The following COLEC11 variants were observed in gnomAD, a reference collection of about 807,000 sequenced individuals.
COLEC11 encodes collectin subfamily member 11.
Under a neutral mutation model 27.3 loss-of-function variants are expected in COLEC11, and 20 were observed. The observed-to-expected ratio is 0.73, with a 90% CI of 0.51 to 1.06. COLEC11 has a LOEUF of 1.06. Among genes scored for constraint, COLEC11 ranks in the 50% least tolerant of loss-of-function variants. The pLI is 0.00. For synonymous variants in COLEC11, 163 were observed against 154.7 expected, an observed-to-expected ratio of 1.05 and a Z score of -0.40; for missense variants, 310 against 383.0, an observed-to-expected ratio of 0.81 and a Z score of 1.59.
At chr2:3,595,574 C>T (rs1020824017) in intron 1 of COLEC11, among the ~76,000 whole-genome samples, 1 of 152,198 alleles carries the variant, frequency 6.6e-6, no homozygotes, top group Non-Finnish European at 1.5e-5. Context: ...ACGGGCCAGG[C>T]GGACAGCAGC....
chr2:3,606,393 C>A (rs934165495), intron 2 of COLEC11: 3 of 700,670 alleles, frequency 4.3e-6, no homozygotes, highest in Non-Finnish European at 7.1e-6. Context: ...TGGGTAGGGT[C>A]CCTTCTCAAC....
intron 1 of COLEC11, chr2:3,603,457 G>A (rs895721278): frequency 3.4e-6 from 2 of 589,308 alleles, no homozygotes; most frequent in Admixed American, 4.7e-5. Flanking sequence ...GCTGGGATTA[G>A]AGGTGCCCGC....
rs562520684 is a variant in COLEC11 at position 3,637,520 on chromosome 2, T to C, written c.203-13T>C. On this transcript the variant is annotated splice_polypyrimidine_tract_variant and intron_variant, in intron 3 of 6. Coordinates refer to ENST00000349077, the MANE Select transcript of COLEC11 (RefSeq NM_024027.5). ...TGTGCATCGACCAACTTTGCTCTTA[T>C]TGTTTTCTACAGGAGACATGGGGGA... 49 of 1,613,524 alleles carry C rather than the reference T, an allele frequency of 3.0e-5. No individual in the cohort carries two copies. Among genetic ancestry groups the C allele is most frequent in the African/African-American group, 6.7e-5 (5 of 74,894 alleles).
chr2:3,644,519 T>G lies in COLEC11; in HGVS notation c.*401T>G. 2.2e-6 allele frequency: 1 copy of G among 463,400 alleles called. No individual in the cohort carries two copies. The highest frequency in any genetic ancestry group is 4.3e-6 in the Non-Finnish European group (1 of 234,558). 28.7% of individuals were successfully genotyped at this position (463,400 alleles called of 1,614,324 possible). On this transcript the variant is annotated 3_prime_UTR_variant, in exon 7 of 7. Coordinates refer to ENST00000349077, the MANE Select transcript of COLEC11 (RefSeq NM_024027.5). ...TTTCTATATGGAAAAGAACTCACTT[T>G]GACCAACACTTCTGTAAATTACATT...
At chr2:3,636,208 G>A (rs529902377) in intron 3 of COLEC11, among the ~76,000 whole-genome samples, 194 of 152,242 alleles carry the variant, frequency 1.3e-3, no homozygotes, top group African/African-American at 4.5e-3. Context: ...CGTAATCCCA[G>A]CACTTTGGGA....
chr2:3,608,515 A>G (rs778509145), intron 2 of COLEC11, among the ~76,000 whole-genome samples: 1 of 152,142 alleles, frequency 6.6e-6, no homozygotes, highest in Admixed American at 6.5e-5. Context: ...CCAGTGGACA[A>G]TGAACACTTC....
Position 3,644,275 on chromosome 2 carries a change from A to G in COLEC11, c.*157A>G, listed in dbSNP as rs553471012. ...GTTGTCTAAACTGAGAAAATGGCCT[A>G]TGCTTAAGAGGAAAATGAAAGTGTT... On this transcript the variant is annotated 3_prime_UTR_variant, in exon 7 of 7. Coordinates refer to ENST00000349077, the MANE Select transcript of COLEC11 (RefSeq NM_024027.5). 8 of 920,258 alleles carry G rather than the reference A, an allele frequency of 8.7e-6. No homozygotes were observed. The highest frequency in any genetic ancestry group is 2.8e-5 in the South Asian group (2 of 72,226). 57.0% of individuals were successfully genotyped at this position (920,258 alleles called of 1,614,324 possible). A position where few individuals can be genotyped will look rare whatever the true frequency, so the allele number is the denominator to read the frequency against.
chr2:3,636,199 G>A lies in COLEC11; in HGVS notation c.203-1334G>A, dbSNP rs539073390. ...ACCGCCGGGCGCAGTGGCTCACGCC[G>A]TAATCCCAGCACTTTGGGAGGCCGA... On this transcript the variant is annotated intron_variant, in intron 3 of 6. Transcript: ENST00000349077. Among the ~76,000 whole-genome samples, 7 of 152,118 alleles carry A rather than the reference G, an allele frequency of 4.6e-5. No individual in the cohort carries two copies. The South Asian group carries it at 8.3e-4, about 18-fold the overall frequency.
rs751543343 is a variant in COLEC11, at chr2:3,643,719, C to T, written c.425-8C>T. On this transcript the variant is annotated splice_region_variant and splice_polypyrimidine_tract_variant and intron_variant, in intron 6 of 6. Transcript: ENST00000349077. Reference sequence around the variant, plus strand: ...GTGCTCACTTTTCAACCCTGCCTTACCCCACAGCTGTCGCCGGTGTGCGCG... The same window carrying T: ...GTGCTCACTTTTCAACCCTGCCTTATCCCACAGCTGTCGCCGGTGTGCGCG... 2 of 1,613,604 alleles carry T rather than the reference C, an allele frequency of 1.2e-6. No individual in the cohort carries two copies. The highest frequency in any genetic ancestry group is 2.2e-5 in the South Asian group (2 of 91,084).
chr2:3,628,625 C>T (rs1664741125), intron 3 of COLEC11, among the ~76,000 whole-genome samples: 2 of 152,328 alleles, frequency 1.3e-5, no homozygotes, highest in South Asian at 4.1e-4. Context: ...ACCCCCCACC[C>T]CCCATTCGAG....
intron 1 of COLEC11, among the ~76,000 whole-genome samples, chr2:3,598,596 C>T (rs1662017441): frequency 6.6e-6 from 1 of 152,130 alleles, no homozygotes; most frequent in Non-Finnish European, 1.5e-5. Flanking sequence ...CTGGTGGGGT[C>T]CTGGGTTTCC....
chr2:3,631,734 A>ACTCTGCTCGGAGGGGG (rs986804280), intron 3 of COLEC11, among the ~76,000 whole-genome samples: 3 of 149,826 alleles, frequency 2.0e-5, no homozygotes, highest in Non-Finnish European at 4.4e-5. Flanking sequence ...CTCGGAGGGG[A>ACTCTGCTCGGAGGGGG]CTCTGCTCGG....
intron 1 of COLEC11, among the ~76,000 whole-genome samples, chr2:3,595,444 G>A (rs1302518755): frequency 6.6e-6 from 1 of 152,220 alleles, no homozygotes; most frequent in Non-Finnish European, 1.5e-5. Flanking sequence ...CACCCTCTTG[G>A]GTGGCAGATT....
intron 3 of COLEC11, among the ~76,000 whole-genome samples, chr2:3,614,591 A>G (rs1663512089): frequency 6.6e-6 from 1 of 152,130 alleles, no homozygotes; most frequent in South Asian, 2.1e-4. Flanking sequence ...GAGAGGAACA[A>G]TTCTAAGTAA....
intron 1 of COLEC11, among the ~76,000 whole-genome samples, chr2:3,596,449 G>A (rs1661848576): frequency 6.7e-6 from 1 of 149,662 alleles, no homozygotes; most frequent in African/African-American, 2.5e-5. Flanking sequence ...CGATTATCCT[G>A]CCTCAGCTTC....
Position 3,604,413 on chromosome 2 carries a change from C to T in COLEC11, c.73C>T (p.Pro25Ser), listed in dbSNP as rs770967551. 6.2e-6 allele frequency: 10 copies of T among 1,614,244 alleles called. 1 individual carries two copies. The South Asian group carries it at 8.8e-5, about 14-fold the overall frequency. Residue 25 changes from proline to serine, a missense_variant, in exon 2 of 7, where the codon CCT becomes TCT. Physicochemically the swap from Pro to Ser is moderately conservative, Grantham distance 74. Coordinates refer to ENST00000349077, the MANE Select transcript of COLEC11 (RefSeq NM_024027.5). ...CCTGTCACTGCTGCCATCTGGACAT[C>T]CTCAGCCGGCTGGCGATGACGCCTG... ...AFLSLLPSGH[P>S]QPAGDDACSV...
Position 3,602,236 on chromosome 2 carries a change from A to G in COLEC11, c.-26-2079A>G, listed in dbSNP as rs1662285281. Among the ~76,000 whole-genome samples, 1 of 152,046 alleles carries G rather than the reference A, an allele frequency of 6.6e-6. No individual in the cohort carries two copies. Among genetic ancestry groups the G allele is most frequent in the African/African-American group, 2.4e-5 (1 of 41,390 alleles). On this transcript the variant is annotated intron_variant, in intron 1 of 6. Coordinates refer to ENST00000349077, the MANE Select transcript of COLEC11 (RefSeq NM_024027.5). This position sits in a 1 kb window ranked among gnomAD's most constrained non-coding sequence, Gnocchi z 6.2. ...GGGCCAGCTGGCTTGGAATTGTGGG[A>G]GAGAAAATGGAGGGTACCCTGACCC...
intron 1 of COLEC11, among the ~76,000 whole-genome samples, chr2:3,601,443 AG>A (rs778374157): frequency 2.0e-5 from 3 of 152,118 alleles, no homozygotes; most frequent in Non-Finnish European, 4.4e-5. Flanking sequence ...CTGGGACTAC[AG>A]GTGCGTGACA....
In COLEC11 at chr2:3,608,655, T is replaced by C. The variant is rs542787526; in HGVS notation, c.130+4185T>C. On this transcript the variant is annotated intron_variant, in intron 2 of 6. Coordinates refer to ENST00000349077, the MANE Select transcript of COLEC11 (RefSeq NM_024027.5). ...CAGGGCAACAGAGTAAGACCCCATC[T>C]CTGGAAAACAAAAAACAAAAACAAA... Among the ~76,000 whole-genome samples, 3 of 152,222 alleles carry C rather than the reference T, an allele frequency of 2.0e-5. No individual in the cohort carries two copies. The South Asian group carries it at 6.2e-4, about 32-fold the overall frequency.
Sources: allele counts gnomAD v4.1 joint callset (sites outside exome capture counted in the v4.1 genomes callset), GRCh38; gene constraint gnomAD v4.1.1; non-coding constraint Gnocchi (gnomAD v3.1); transcripts MANE v1.5; gene names NCBI Gene and HGNC (gene_info 2026-07-23, HGNC 2026-07-21).